ADAMTS17: variants seen among roughly 807,000 people sequenced by gnomAD.
ADAMTS17 encodes A disintegrin and metalloproteinase with thrombospondin motifs 17.
Under a neutral mutation model 141.5 loss-of-function variants are expected in ADAMTS17, and 113 were observed. The ratio of observed to expected loss-of-function variants is 0.80; its 90% CI spans 0.69 to 0.93. ADAMTS17 has a LOEUF of 0.93. ADAMTS17 is among the 40% of genes least tolerant of loss of function. The pLI, the probability that ADAMTS17 is intolerant of heterozygous loss-of-function variation, is 0.00. For synonymous variants in ADAMTS17, 768 were observed against 630.6 expected, an observed-to-expected ratio of 1.22 and a Z score of -3.27; for missense variants, 1,659 against 1,517.9, an observed-to-expected ratio of 1.09 and a Z score of -1.54.
Position 99,993,733 on chromosome 15 carries a change from A to G in ADAMTS17, c.2797-533T>C, listed in dbSNP as rs1262214415. 6.6e-6 allele frequency among the ~76,000 whole-genome samples: 1 copy of G among 152,184 alleles called. No individual in the cohort carries two copies. Among genetic ancestry groups the G allele is most frequent in the Non-Finnish European group, 1.5e-5 (1 of 68,026 alleles). On this transcript the variant is annotated intron_variant, in intron 19 of 21. Coordinates refer to ENST00000268070, the MANE Select transcript of ADAMTS17 (RefSeq NM_139057.4). The surrounding 1 kb of genome is among the most constrained non-coding windows in gnomAD (Gnocchi z 4.3). Reference sequence around the variant, plus strand: ...CAGAAGGAAGGAAAAGCCACAGATGACTTTCTCGTGAGGCAGGTGGAAAGC... The same window carrying G: ...CAGAAGGAAGGAAAAGCCACAGATGGCTTTCTCGTGAGGCAGGTGGAAAGC...
chr15:100,341,914 G>T lies in ADAMTS17; in HGVS notation c.-15C>A. 3 of 1,544,990 alleles carry T rather than the reference G, an allele frequency of 1.9e-6. No homozygotes were observed. Among genetic ancestry groups the T allele is most frequent in the Non-Finnish European group, 2.6e-6 (3 of 1,146,198 alleles). On this transcript the variant is annotated 5_prime_UTR_variant, in exon 1 of 22. Coordinates refer to ENST00000268070, the MANE Select transcript of ADAMTS17 (RefSeq NM_139057.4). Reference sequence around the variant, plus strand: ...CCGTCACACATGGTACCCGGGACCGGCAGCCCCCCCGGACCGTGGCGGCGA... The same window carrying T: ...CCGTCACACATGGTACCCGGGACCGTCAGCCCCCCCGGACCGTGGCGGCGA...
Position 100,204,806 on chromosome 15 carries a change from C to T in ADAMTS17, c.1076-5383G>A, listed in dbSNP as rs139158463. On this transcript the variant is annotated intron_variant, in intron 7 of 21. Transcript: ENST00000268070. The stretch of plus-strand genomic sequence containing the variant: ...TCTTACAACAGAAGAGTAGCTGAGG[C>T]GGAAGGGGCTGGGAGTGAGGTAAGG... Among the ~76,000 whole-genome samples the T allele has an allele frequency of 6.8e-3, 1,038 of 152,250 alleles. 27 individuals are homozygous for T. Among genetic ancestry groups the T allele is most frequent in the East Asian group, 0.018 (92 of 5,176 alleles).
chr15:100,330,953 C>T lies in ADAMTS17; in HGVS notation c.552G>A (p.Trp184Ter). 1 of 1,614,104 alleles carries T rather than the reference C, an allele frequency of 6.2e-7. No homozygotes were observed. The highest frequency in any genetic ancestry group is 8.5e-7 in the Non-Finnish European group (1 of 1,180,028). Residue 184 changes from tryptophan to a stop codon, truncating the protein, a stop_gained, in exon 3 of 22, where the codon TGG becomes TGA. Coordinates refer to ENST00000268070, the MANE Select transcript of ADAMTS17 (RefSeq NM_139057.4). LOFTEE classifies it high-confidence loss of function. ...CAGCAGAAGGGCTGGGGGTCAAGGA[C>T]CATTTGCGCCTGATCAGATGTTCTC... ...SGREHLIRRK[W>*]SLTPSPSAEA...
intron 4 of ADAMTS17, among the ~76,000 whole-genome samples, chr15:100,278,561 G>C (rs1264674666): frequency 6.6e-6 from 1 of 152,132 alleles, no homozygotes. Flanking sequence ...CCAGCGGCTC[G>C]ACATGAGGCC....
rs184713255 is a variant in ADAMTS17 at position 100,057,436 on chromosome 15, T to A, written c.2138-3382A>T. On this transcript the variant is annotated intron_variant, in intron 15 of 21. Coordinates refer to ENST00000268070, the MANE Select transcript of ADAMTS17 (RefSeq NM_139057.4). Reference sequence around the variant, plus strand: ...GACCAGAGGGAAGCCAGGCAGCTGCTCTCCTCCTTGCTGGGCCACCAGCAC... The same window carrying A: ...GACCAGAGGGAAGCCAGGCAGCTGCACTCCTCCTTGCTGGGCCACCAGCAC... Among the ~76,000 whole-genome samples the A allele has an allele frequency of 4.3e-4, 65 of 151,942 alleles. 1 individual carries two copies. The highest frequency in any genetic ancestry group is 1.5e-3 in the African/African-American group (62 of 41,350).
At chr15:100,050,392 G>T (rs1052343380) in intron 17 of ADAMTS17, among the ~76,000 whole-genome samples, 1 of 152,174 alleles carries the variant, frequency 6.6e-6, no homozygotes, top group Non-Finnish European at 1.5e-5. Flanking sequence ...AAAGGCCATC[G>T]GCACAAGCGG....
chr15:100,246,644 C>G (rs1315499627), intron 7 of ADAMTS17, among the ~76,000 whole-genome samples: 3 of 152,158 alleles, frequency 2.0e-5, no homozygotes, highest in Non-Finnish European at 4.4e-5. Context: ...TAGGTAAGGA[C>G]AAAGCCACTT....
chr15:100,163,201 T>G (rs1175218594), intron 8 of ADAMTS17, among the ~76,000 whole-genome samples: 1 of 152,076 alleles, frequency 6.6e-6, no homozygotes. Context: ...TCAAGTAGGC[T>G]TTTAACTTTT....
At chr15:100,321,887 C>A (rs2045744017) in intron 3 of ADAMTS17, among the ~76,000 whole-genome samples, 1 of 152,140 alleles carries the variant, frequency 6.6e-6, no homozygotes, top group Non-Finnish European at 1.5e-5. Flanking sequence ...AATCTGTTTG[C>A]AGTAATTTGA....
intron 18 of ADAMTS17, among the ~76,000 whole-genome samples, chr15:100,036,530 C>T (rs1241572170): frequency 1.3e-5 from 2 of 152,206 alleles, no homozygotes; most frequent in East Asian, 1.9e-4. Flanking sequence ...CGGGAGCCTG[C>T]GGGAGGCCTC....
At chr15:100,054,927 C>T (rs189089564) in intron 15 of ADAMTS17, among the ~76,000 whole-genome samples, 3 of 152,230 alleles carry the variant, frequency 2.0e-5, no homozygotes, top group Admixed American at 6.5e-5. Context: ...CTTCCCACTT[C>T]GGGGTGAAGA....
intron 20 of ADAMTS17, among the ~76,000 whole-genome samples, chr15:99,992,170 C>T (rs2060702828): frequency 6.7e-6 from 1 of 150,034 alleles, no homozygotes; most frequent in African/African-American, 2.5e-5. Context: ...GCACATGTAC[C>T]TCAGAACTTA....
At position 100,066,443 on chromosome 15, in the gene ADAMTS17, C is replaced by T. The variant is rs146302620; in HGVS notation, c.2138-12389G>A. Among the ~76,000 whole-genome samples, 410 of 151,950 alleles carry T rather than the reference C, an allele frequency of 2.7e-3. 2 individuals carry two copies. Among genetic ancestry groups the T allele is most frequent in the South Asian group, 9.8e-3 (47 of 4,816 alleles). ...TGCTTAGTTTTACATAAACATTTATCATTTTTTTCTCACCATTTCTTCCCC... is the reference window on the plus strand; with the variant it reads ...TGCTTAGTTTTACATAAACATTTATTATTTTTTTCTCACCATTTCTTCCCC... On this transcript the variant is annotated intron_variant, in intron 15 of 21. Coordinates refer to ENST00000268070, the MANE Select transcript of ADAMTS17 (RefSeq NM_139057.4).
chr15:100,199,363 T>G lies in ADAMTS17; in HGVS notation c.1136A>C (p.Asn379Thr). 6.2e-7 allele frequency: 1 copy of G among 1,614,214 alleles called. No individual in the cohort carries two copies. The highest frequency in any genetic ancestry group is 8.5e-7 in the Non-Finnish European group (1 of 1,180,030). Residue 379 changes from asparagine (N) to threonine (T), a missense_variant, in exon 8 of 22, where the codon AAT becomes ACT. By Grantham distance (65) the Asn-to-Thr change is moderately conservative (BLOSUM62 0). Coordinates refer to ENST00000268070, the MANE Select transcript of ADAMTS17 (RefSeq NM_139057.4). ...AKRKCVLAED[N>T]GLNLAFTIAH... Reference sequence around the variant, plus strand: ...GATGGTAAAGGCCAAATTGAGACCATTGTCTTCGGCAAGCACACACTTCCT... The same window carrying G: ...GATGGTAAAGGCCAAATTGAGACCAGTGTCTTCGGCAAGCACACACTTCCT...
intron 7 of ADAMTS17, among the ~76,000 whole-genome samples, chr15:100,231,695 C>T (rs1022288475): frequency 6.6e-6 from 1 of 152,140 alleles, no homozygotes; most frequent in East Asian, 1.9e-4. Context: ...TTTGGAATCA[C>T]CTACTTGGCT....
At position 99,974,350 on chromosome 15, in the gene ADAMTS17, G is replaced by C; in HGVS notation, c.*52C>G. 6.2e-7 allele frequency: 1 copy of C among 1,611,624 alleles called. No homozygotes were observed. Among genetic ancestry groups the C allele is most frequent in the Non-Finnish European group, 8.5e-7 (1 of 1,179,216 alleles). ...CCACAAGGCTGGTAGGCTTGCGGGT[G>C]GGTGGGTTTCAGACCTGAGTCTGAG... is the stretch of plus-strand genomic sequence containing the variant. On this transcript the variant is annotated 3_prime_UTR_variant, in exon 22 of 22. Coordinates refer to ENST00000268070, the MANE Select transcript of ADAMTS17 (RefSeq NM_139057.4).
chr15:100,237,558 G>A (rs1379670614), intron 7 of ADAMTS17, among the ~76,000 whole-genome samples: 1 of 152,234 alleles, frequency 6.6e-6, no homozygotes, highest in Non-Finnish European at 1.5e-5. Context: ...AAGCCTCACA[G>A]CAGTCCCGTG....
intron 18 of ADAMTS17, among the ~76,000 whole-genome samples, chr15:100,008,003 G>C (rs1175418385): frequency 1.3e-5 from 2 of 152,128 alleles, no homozygotes; most frequent in Admixed American, 6.5e-5. Context: ...ATGCCGGGAA[G>C]GGACTGCACC....
At chr15:100,076,319 A>C (rs766340579) in intron 15 of ADAMTS17, among the ~76,000 whole-genome samples, 2 of 152,210 alleles carry the variant, frequency 1.3e-5, no homozygotes, top group Non-Finnish European at 2.9e-5. Context: ...CTGGGGTTAC[A>C]GGCGTGAGCC....
Sources: gnomAD v4.1 joint callset for allele counts (sites outside exome capture counted in the v4.1 genomes callset) on GRCh38, gnomAD v4.1.1 for gene constraint, Gnocchi (gnomAD v3.1) non-coding constraint, MANE v1.5 for transcripts, NCBI Gene and HGNC (gene_info 2026-07-23, HGNC 2026-07-21) for gene names.